The following ARHGAP15 variants were observed in gnomAD, a reference collection of about 807,000 sequenced individuals.
The protein encoded by ARHGAP15 is rho GTPase-activating protein 15.
In ARHGAP15, 51 loss-of-function variants were observed where a neutral mutation model predicts 63.7. That is an observed-to-expected ratio of 0.80 (90% CI 0.64 to 1.01). The LOEUF is 1.01. Ranked by LOEUF, ARHGAP15 falls within the 50% of genes least tolerant of loss-of-function variation. The probability of loss-of-function intolerance (pLI) is 0.00; values close to 1 mark genes in which losing one functional copy is unlikely to be tolerated. For missense variants in ARHGAP15, 560 were observed against 564.6 expected (o/e 0.99, Z 0.08); for synonymous variants, 191 against 193.8 (o/e 0.99, Z 0.12).
intron 11 of ARHGAP15, among the ~76,000 whole-genome samples, chr2:143,583,589 T>G (rs1311775031): frequency 2.0e-5 from 3 of 152,152 alleles, no homozygotes; most frequent in Non-Finnish European, 4.4e-5. Flanking sequence ...GAAATTTGCT[T>G]AAGCCAATGC....
intron 7 of ARHGAP15, 60 bp from the exon 8 acceptor site, chr2:143,436,853 T>G: frequency 6.4e-7 from 1 of 1,565,546 alleles, no homozygotes; most frequent in Non-Finnish European, 8.6e-7. Flanking sequence ...AACACAAAAT[T>G]CTATGGTGAA....
chr2:143,210,530 A>G (rs1467848665), intron 3 of ARHGAP15, among the ~76,000 whole-genome samples: 1 of 152,158 alleles, frequency 6.6e-6, no homozygotes, highest in African/African-American at 2.4e-5. Flanking sequence ...TTGGCAAAAC[A>G]TAATATGTGC....
rs77160479 is a variant in ARHGAP15 at position 143,179,891 on chromosome 2, C to CAAA, written c.166-22233_166-22231dup. Among the ~76,000 whole-genome samples the CAAA allele has an allele frequency of 9.6e-3, 1,368 of 142,752 alleles. 21 individuals are homozygous for CAAA. The highest frequency in any genetic ancestry group is 0.027 in the African/African-American group (1,047 of 38,634). 93.7% of individuals were successfully genotyped at this position (142,752 alleles called of 152,430 possible). A position where few individuals can be genotyped will look rare whatever the true frequency, so the allele number is the denominator to read the frequency against. ...TGGGAGATAAAGTGAGACATTGTCT[C>CAAA]AAAAAAAAAAAATGCATACCTTAAT... On this transcript the variant is annotated intron_variant, in intron 2 of 13. Transcript: ENST00000295095.
intron 8 of ARHGAP15, among the ~76,000 whole-genome samples, chr2:143,463,430 T>C (rs1231964347): frequency 2.7e-5 from 4 of 150,634 alleles, no homozygotes; most frequent in Admixed American, 1.3e-4. Flanking sequence ...TAATCCTATC[T>C]ACTCAGGAGG....
chr2:143,145,748 G>A (rs535579101), intron 1 of ARHGAP15, among the ~76,000 whole-genome samples: 2 of 151,940 alleles, frequency 1.3e-5, no homozygotes, highest in Non-Finnish European at 2.9e-5. Flanking sequence ...GGCTAGGAGA[G>A]CTCTCCAGAA....
intron 13 of ARHGAP15, among the ~76,000 whole-genome samples, chr2:143,737,159 G>A (rs1285656226): frequency 6.6e-6 from 1 of 152,228 alleles, no homozygotes; most frequent in Non-Finnish European, 1.5e-5. Context: ...TGAATATGTT[G>A]TGGGCATTGG....
chr2:143,667,497 C>A (rs1433966134), intron 12 of ARHGAP15, among the ~76,000 whole-genome samples: 1 of 148,048 alleles, frequency 6.8e-6, no homozygotes, highest in Non-Finnish European at 1.5e-5. Context: ...GTGCAGCGCA[C>A]CAGCATGGCA....
chr2:143,758,619 C>T (rs992001526), intron 13 of ARHGAP15, among the ~76,000 whole-genome samples: 3 of 152,038 alleles, frequency 2.0e-5, no homozygotes, highest in African/African-American at 7.2e-5. Flanking sequence ...TCAAAGAATC[C>T]TAAGTTCAAA....
At chr2:143,541,378 G>C (rs1018017951) in intron 10 of ARHGAP15, among the ~76,000 whole-genome samples, 1 of 152,092 alleles carries the variant, frequency 6.6e-6, no homozygotes, top group African/African-American at 2.4e-5. Context: ...CTCTCAACTC[G>C]TCAAAGTCAT....
chr2:143,444,198 A>G (rs1460588241), intron 8 of ARHGAP15, among the ~76,000 whole-genome samples: 2 of 152,180 alleles, frequency 1.3e-5, no homozygotes, highest in Non-Finnish European at 2.9e-5. Flanking sequence ...GTCAAATGGC[A>G]TCTTGCTTTC....
At chr2:143,561,331 G>A (rs912239528) in intron 11 of ARHGAP15, among the ~76,000 whole-genome samples, 3 of 152,108 alleles carry the variant, frequency 2.0e-5, no homozygotes, top group African/African-American at 7.2e-5. Context: ...GAAAAATCTA[G>A]CTATGAACCT....
intron 1 of ARHGAP15, among the ~76,000 whole-genome samples, chr2:143,145,843 T>TGG (rs1238358667): frequency 1.2e-4 from 2 of 17,114 alleles, no homozygotes; most frequent in African/African-American, 2.4e-4. Context: ...TATAGGGGTG[T>TGG]GTGTGTGTGT....
intron 6 of ARHGAP15, among the ~76,000 whole-genome samples, chr2:143,425,312 A>G (rs1689094399): frequency 6.6e-6 from 1 of 151,804 alleles, no homozygotes; most frequent in Admixed American, 6.6e-5. Context: ...ATACCATTAA[A>G]TTATCTCTAT....
intron 11 of ARHGAP15, among the ~76,000 whole-genome samples, chr2:143,603,822 T>C (rs1043827823): frequency 2.0e-5 from 3 of 152,232 alleles, no homozygotes; most frequent in African/African-American, 4.8e-5. Flanking sequence ...GTTATCCATA[T>C]TAGCAGTTAA....
intron 6 of ARHGAP15, among the ~76,000 whole-genome samples, chr2:143,283,648 A>G (rs1480978879): frequency 3.9e-5 from 6 of 152,190 alleles, no homozygotes; most frequent in Admixed American, 2.6e-4. Context: ...CTGTAATAAT[A>G]TTAAGGCTTT....
intron 9 of ARHGAP15, among the ~76,000 whole-genome samples, chr2:143,512,892 C>T (rs73005389): frequency 3.5e-4 from 53 of 152,350 alleles, no homozygotes; most frequent in African/African-American, 1.2e-3. Context: ...GCTGTCCCAG[C>T]CCCCAGGGTT....
At chr2:143,209,963 A>G (rs1692503115) in intron 3 of ARHGAP15, among the ~76,000 whole-genome samples, 2 of 152,154 alleles carry the variant, frequency 1.3e-5, no homozygotes, top group African/African-American at 4.8e-5. Context: ...GAGAAAAAGA[A>G]CACACAGAAC....
At chr2:143,312,396 G>A (rs891555333) in intron 6 of ARHGAP15, among the ~76,000 whole-genome samples, 2 of 151,670 alleles carry the variant, frequency 1.3e-5, no homozygotes, top group Non-Finnish European at 2.9e-5. Flanking sequence ...TGTTTTAAAG[G>A]TCTAACATTT....
intron 10 of ARHGAP15, among the ~76,000 whole-genome samples, chr2:143,546,204 A>AG (rs1695320310): frequency 1.3e-5 from 2 of 152,190 alleles, no homozygotes; most frequent in South Asian, 4.1e-4. Flanking sequence ...TTAGAAAAAA[A>AG]TCCAATGGAA....
Sources: allele counts gnomAD v4.1 joint callset (sites outside exome capture counted in the v4.1 genomes callset), GRCh38; gene constraint gnomAD v4.1.1; transcripts MANE v1.5; gene names NCBI Gene and HGNC (gene_info 2026-07-23, HGNC 2026-07-21).